CYSLTR1: variants seen among roughly 807,000 people sequenced by gnomAD.
CYSLTR1 encodes G-protein coupled receptor HG55.
Under a neutral mutation model 2.1 loss-of-function variants are expected in CYSLTR1, and 1 was observed. That is an observed-to-expected ratio of 0.48 (90% CI 0.17 to 2.28). CYSLTR1 has a LOEUF of 2.28. CYSLTR1 is among the 30% of genes most tolerant of loss of function. The pLI is 0.26. For synonymous variants in CYSLTR1, 110 were observed against 89.6 expected (o/e 1.23, Z -1.28); for missense variants, 299 against 250.1 (o/e 1.20, Z -1.32).
At chrX:78,302,048 A>T (rs1197505978) in intron 1 of CYSLTR1, among the ~76,000 whole-genome samples, 1 of 111,996 alleles carries the variant, frequency 8.9e-6, no homozygotes, top group African/African-American at 3.2e-5. Context: ...CAACCCCGTG[A>T]TTCAGTTACC....
At chrX:78,297,533 C>G (rs1007339242) in intron 1 of CYSLTR1, among the ~76,000 whole-genome samples, 1 of 111,043 alleles carries the variant, frequency 9.0e-6, no homozygotes, top group Admixed American at 9.5e-5. Flanking sequence ...TACTGGTAAA[C>G]TTTTTATTAT....
intron 1 of CYSLTR1, among the ~76,000 whole-genome samples, chrX:78,291,377 T>A (rs772350580): frequency 1.8e-4 from 20 of 111,794 alleles, no homozygotes; most frequent in African/African-American, 6.2e-4. Context: ...TATTGAGAAT[T>A]TTTGCATCGA....
At position 78,273,209 on chromosome X, in the gene CYSLTR1, TG is replaced by T; in HGVS notation, c.537del (p.Asp179GlufsTer27). The T allele has an allele frequency of 8.3e-7, 1 of 1,211,139 alleles. No homozygotes were observed. Among genetic ancestry groups the T allele is most frequent in the South Asian group, 1.8e-5 (1 of 56,876 alleles). ...ACCAAAACATGATTTTTAGTTTGAT[TG>T]TCTTGTGGGGGCTCAAAGCACTTGG... ...NNTKCFEPPQ[D>X]NQTKNHVLVL... On this transcript the variant is annotated frameshift_variant, in exon 3 of 3. Coordinates refer to ENST00000373304, the MANE Select transcript of CYSLTR1 (RefSeq NM_006639.4). LOFTEE classifies it low-confidence loss of function (END_TRUNC).
At chrX:78,297,809 CT>C (rs980827122) in intron 1 of CYSLTR1, among the ~76,000 whole-genome samples, 1 of 111,217 alleles carries the variant, frequency 9.0e-6, no homozygotes, top group Non-Finnish European at 1.9e-5. Flanking sequence ...TTTTGCTTAA[CT>C]TTTCAAAAAA....
intron 1 of CYSLTR1, among the ~76,000 whole-genome samples, chrX:78,296,056 T>A (rs1349981435): frequency 9.0e-6 from 1 of 111,699 alleles, no homozygotes; most frequent in East Asian, 2.8e-4. Flanking sequence ...CTTTAATCCA[T>A]TTTGATTTGA....
intron 1 of CYSLTR1, among the ~76,000 whole-genome samples, chrX:78,324,072 GGA>G (rs1013173286): frequency 8.9e-6 from 1 of 111,833 alleles, no homozygotes. Context: ...CACAGAGAAA[GGA>G]GAGGTCATGA....
chrX:78,295,423 C>T (rs1922535876), intron 1 of CYSLTR1, among the ~76,000 whole-genome samples: 1 of 106,341 alleles, frequency 9.4e-6, no homozygotes, highest in South Asian at 4.3e-4. Flanking sequence ...GTGGGAGTGC[C>T]AGATCATATG....
intron 1 of CYSLTR1, among the ~76,000 whole-genome samples, chrX:78,297,807 A>C (rs1312401343): frequency 9.0e-6 from 1 of 111,181 alleles, no homozygotes; most frequent in East Asian, 2.8e-4. Context: ...AATTTTGCTT[A>C]ACTTTTCAAA....
chrX:78,316,460 G>A (rs1183130753), intron 1 of CYSLTR1, among the ~76,000 whole-genome samples: 2 of 112,081 alleles, frequency 1.8e-5, no homozygotes, highest in African/African-American at 6.5e-5. Flanking sequence ...CTTGCTCAGC[G>A]GGGAAGCTTA....
chrX:78,276,876 G>A (rs1446107535), intron 2 of CYSLTR1, among the ~76,000 whole-genome samples: 1 of 110,687 alleles, frequency 9.0e-6, no homozygotes, highest in East Asian at 2.8e-4. Flanking sequence ...TGCTGCACAG[G>A]GGTACCAAGT....
chrX:78,290,640 G>GAA (rs1922282153), intron 1 of CYSLTR1, among the ~76,000 whole-genome samples: 1 of 111,492 alleles, frequency 9.0e-6, no homozygotes, highest in South Asian at 3.8e-4. Flanking sequence ...ATTGAGCAGT[G>GAA]GTTTGTATTT....
chrX:78,274,177 A>G (rs1921459391), intron 2 of CYSLTR1, among the ~76,000 whole-genome samples: 1 of 111,698 alleles, frequency 9.0e-6, no homozygotes, highest in South Asian at 3.7e-4. Context: ...ATACCTATTT[A>G]TTGGAAAATC....
chrX:78,324,324 C>G (rs1307608757), intron 1 of CYSLTR1, among the ~76,000 whole-genome samples: 1 of 112,393 alleles, frequency 8.9e-6, no homozygotes, highest in African/African-American at 3.2e-5. Context: ...AGGATATGTA[C>G]TTCTTGCTAT....
At position 78,272,881 on chromosome X, in the gene CYSLTR1, C is replaced by T. The variant is rs761335254; in HGVS notation, c.866G>A (p.Cys289Tyr). 1 of 1,211,258 alleles carries T rather than the reference C, an allele frequency of 8.3e-7. No individual in the cohort carries two copies. Among genetic ancestry groups the T allele is most frequent in the Non-Finnish European group, 1.1e-6 (1 of 895,384 alleles). The change falls in exon 3 of 3, where the codon TGC becomes TAC. Residue 289 changes from cysteine to tyrosine, a missense_variant. Cys to Tyr is a radical substitution (Grantham distance 194, BLOSUM62 -2). Transcript: ENST00000373304. ...ITLSLAASNC[C>Y]FDPLLYFFSG... is the part of the protein sequence containing the mutation. ...AAAGAAATATAGGAGAGGGTCAAAG[C>T]AACAATTGGATGCAGCCAGAGACAA...
intron 1 of CYSLTR1, among the ~76,000 whole-genome samples, chrX:78,303,610 C>A (rs1310714356): frequency 9.0e-6 from 1 of 111,230 alleles, no homozygotes; most frequent in Non-Finnish European, 1.9e-5. Flanking sequence ...TTTGGTATAT[C>A]CTGCTGTATG....
intron 2 of CYSLTR1, among the ~76,000 whole-genome samples, chrX:78,280,345 G>T (rs1417160813): frequency 3.6e-5 from 4 of 111,307 alleles, no homozygotes; most frequent in African/African-American, 1.3e-4. Flanking sequence ...AGATAGTGCT[G>T]TTGAAAATTT....
At chrX:78,314,116 T>G (rs900104706) in intron 1 of CYSLTR1, among the ~76,000 whole-genome samples, 2 of 110,940 alleles carry the variant, frequency 1.8e-5, no homozygotes, top group African/African-American at 6.6e-5. Flanking sequence ...GTTTAGGACA[T>G]AGGAGAATTT....
intron 1 of CYSLTR1, among the ~76,000 whole-genome samples, chrX:78,291,034 C>G (rs1273065363): frequency 2.7e-5 from 3 of 111,762 alleles, no homozygotes; most frequent in Non-Finnish European, 5.6e-5. Flanking sequence ...TGTCTTCAGC[C>G]AGTTTTCAAA....
intron 1 of CYSLTR1, among the ~76,000 whole-genome samples, chrX:78,318,303 C>T (rs746557609): frequency 8.9e-6 from 1 of 112,080 alleles, no homozygotes; most frequent in Non-Finnish European, 1.9e-5. Flanking sequence ...TCAAACACCG[C>T]ATATTCTCAC....
Sources: allele counts gnomAD v4.1 joint callset (sites outside exome capture counted in the v4.1 genomes callset), GRCh38; gene constraint gnomAD v4.1.1; transcripts MANE v1.5; gene names NCBI Gene and HGNC (gene_info 2026-07-23, HGNC 2026-07-21).